The following CHN2 variants were observed in gnomAD, a reference collection of about 807,000 sequenced individuals.
The protein encoded by CHN2 is beta-chimaerin.
Under a neutral mutation model 56.3 loss-of-function variants are expected in CHN2, and 35 were observed. The observed-to-expected ratio is 0.62, with a 90% CI of 0.47 to 0.82. The LOEUF (loss-of-function observed/expected upper bound fraction) is 0.82. Among genes scored for constraint, CHN2 ranks in the 40% least tolerant of loss-of-function variants. CHN2 has a pLI of 0.00. For missense variants in CHN2, 491 were observed against 580.5 expected, an observed-to-expected ratio of 0.85 and a Z score of 1.58; for synonymous variants, 210 against 212.8, an observed-to-expected ratio of 0.99 and a Z score of 0.12.
intron 1 of CHN2, among the ~76,000 whole-genome samples, chr7:29,265,340 T>C (rs1790052789): frequency 6.6e-6 from 1 of 152,200 alleles, no homozygotes; most frequent in African/African-American, 2.4e-5. Flanking sequence ...TCTGATCTGT[T>C]GCCAAAGAAC....
intron 1 of CHN2, among the ~76,000 whole-genome samples, chr7:29,256,404 G>A (rs1178380368): frequency 2.0e-5 from 3 of 152,200 alleles, no homozygotes; most frequent in Admixed American, 6.5e-5. Context: ...GAAAAGGTTT[G>A]TATGTGAACA....
chr7:29,323,918 G>A (rs1338464125), intron 1 of CHN2, among the ~76,000 whole-genome samples: 1 of 151,968 alleles, frequency 6.6e-6, no homozygotes, highest in Non-Finnish European at 1.5e-5. Flanking sequence ...GCAGGAGAAT[G>A]GCGTGAACCC....
chr7:29,277,853 T>G (rs1029156818), intron 1 of CHN2, among the ~76,000 whole-genome samples: 1 of 152,112 alleles, frequency 6.6e-6, no homozygotes, highest in Non-Finnish European at 1.5e-5. Flanking sequence ...ATTTATTGAG[T>G]GTAGTTGTTT....
In CHN2 at chr7:29,512,854, T is replaced by G; in HGVS notation, c.*119T>G. The G allele has an allele frequency of 3.6e-6, 4 of 1,118,522 alleles. No individual in the cohort carries two copies. Among genetic ancestry groups the G allele is most frequent in the Non-Finnish European group, 5.1e-6 (4 of 791,054 alleles). 69.3% of individuals were successfully genotyped at this position (1,118,522 alleles called of 1,614,324 possible). Reference sequence around the variant, plus strand: ...AAGCAAGTGCTAGAATTTCCTGGACTGCAGAGGATCGCTGAGTGGGGTACT... The same window carrying G: ...AAGCAAGTGCTAGAATTTCCTGGACGGCAGAGGATCGCTGAGTGGGGTACT... On this transcript the variant is annotated 3_prime_UTR_variant, in exon 13 of 13. Coordinates refer to ENST00000222792, the MANE Select transcript of CHN2 (RefSeq NM_004067.4).
chr7:29,440,684 CAAAAAAAAAA>C (rs556692737), intron 6 of CHN2, among the ~76,000 whole-genome samples: 50 of 45,664 alleles, frequency 1.1e-3, no homozygotes, highest in Admixed American at 2.4e-3. Context: ...GACTCCGTCT[CAAAAAAAAAA>C]AAAAAAAAAA....
chr7:29,228,177 C>T (rs922347528), intron 1 of CHN2, among the ~76,000 whole-genome samples: 11 of 149,408 alleles, frequency 7.4e-5, no homozygotes, highest in East Asian at 3.9e-4. Flanking sequence ...CACACACACA[C>T]GTGTGTGTGT....
chr7:29,198,391 G>A (rs1022788902), intron 1 of CHN2, among the ~76,000 whole-genome samples: 6 of 152,168 alleles, frequency 3.9e-5, no homozygotes, highest in Admixed American at 3.3e-4. Context: ...TCGCCCAAAT[G>A]TGTCATTTAT....
intron 6 of CHN2, among the ~76,000 whole-genome samples, chr7:29,468,050 G>A (rs1169689384): frequency 6.6e-6 from 1 of 151,210 alleles, no homozygotes; most frequent in Non-Finnish European, 1.5e-5. Flanking sequence ...CGGGGAGTAG[G>A]AGCAGGTATA....
intron 6 of CHN2, among the ~76,000 whole-genome samples, chr7:29,454,011 T>A (rs1319621510): frequency 6.6e-6 from 1 of 152,118 alleles, no homozygotes; most frequent in Non-Finnish European, 1.5e-5. Context: ...GGGTGCCAAC[T>A]CTAGTGGTGG....
At chr7:29,322,539 A>G (rs549957120) in intron 1 of CHN2, among the ~76,000 whole-genome samples, 2 of 152,280 alleles carry the variant, frequency 1.3e-5, no homozygotes, top group East Asian at 1.9e-4. Flanking sequence ...ATAAAAAGCA[A>G]TAATTGGTGT....
At chr7:29,371,243 C>G (rs1187987126) in intron 3 of CHN2, among the ~76,000 whole-genome samples, 1 of 151,982 alleles carries the variant, frequency 6.6e-6, no homozygotes, top group Non-Finnish European at 1.5e-5. Flanking sequence ...AGCAAGATGC[C>G]CAGGTCCGGA....
chr7:29,442,439 A>G (rs1783714326), intron 6 of CHN2, among the ~76,000 whole-genome samples: 1 of 152,172 alleles, frequency 6.6e-6, no homozygotes, highest in African/African-American at 2.4e-5. Flanking sequence ...CAGGGCTTTT[A>G]TTTCGAAGGT....
At position 29,352,350 on chromosome 7, in the gene CHN2, C is replaced by CGTGTGTGTGT. The variant is rs60859228; in HGVS notation, c.50-2266_50-2257dup. Among the ~76,000 whole-genome samples the CGTGTGTGTGT allele has an allele frequency of 9.8e-3, 1,473 of 149,962 alleles. 28 individuals carry two copies. The highest frequency in any genetic ancestry group is 0.034 in the African/African-American group (1,362 of 40,272). On this transcript the variant is annotated intron_variant, in intron 1 of 12. Transcript: ENST00000222792. ...GGATTTGCATTTGTGTGCAGTCTGT[C>CGTGTGTGTGT]GTGTGTGTGTGTGTGTGTATGTGTG... is the stretch of plus-strand genomic sequence containing the variant.
chr7:29,370,143 G>A (rs1799492562), intron 3 of CHN2, among the ~76,000 whole-genome samples: 1 of 152,166 alleles, frequency 6.6e-6, no homozygotes, highest in African/African-American at 2.4e-5. Flanking sequence ...TCTCTAGTTG[G>A]TCCTCCAGTG....
intron 4 of CHN2, 55 bp downstream of exon 4, chr7:29,393,765 G>T: frequency 3.3e-6 from 2 of 615,288 alleles, no homozygotes; most frequent in Non-Finnish European, 4.9e-6. Context: ...CATTTCATGT[G>T]TCATTTAAAT....
chr7:29,182,270 A>G (rs188813695), intron 2 of CHN2, among the ~76,000 whole-genome samples: 1 of 152,350 alleles, frequency 6.6e-6, no homozygotes, highest in African/African-American at 2.4e-5. Flanking sequence ...GAAGGTTAGC[A>G]GTGGTGGAAT....
chr7:29,357,573 T>G (rs1798405882), intron 2 of CHN2, among the ~76,000 whole-genome samples: 1 of 152,224 alleles, frequency 6.6e-6, no homozygotes, highest in Non-Finnish European at 1.5e-5. Context: ...TGGCTTATAC[T>G]TCCCTCCAAT....
Position 29,257,357 on chromosome 7 carries a change from C to T in CHN2, c.49+62367C>T, listed in dbSNP as rs1188963053. On this transcript the variant is annotated intron_variant, in intron 1 of 12. Coordinates refer to ENST00000222792, the MANE Select transcript of CHN2 (RefSeq NM_004067.4). ...AATACAGCACATGTATTAAAAAAACCAAGCCCAGGGAGTATCTCACAGCAG... is the reference window on the plus strand; with the variant it reads ...AATACAGCACATGTATTAAAAAAACTAAGCCCAGGGAGTATCTCACAGCAG... Among the ~76,000 whole-genome samples the T allele has an allele frequency of 3.9e-5, 6 of 152,176 alleles. No individual in the cohort carries two copies. In the East Asian group the frequency reaches 1.2e-3, roughly 29 times the overall value.
intron 1 of CHN2, among the ~76,000 whole-genome samples, chr7:29,209,805 G>A (rs1471688163): frequency 1.3e-5 from 2 of 152,188 alleles, no homozygotes; most frequent in Non-Finnish European, 1.5e-5. Context: ...GTCAAGTCCA[G>A]TGGAATAAAT....
Sources: allele counts gnomAD v4.1 joint callset (sites outside exome capture counted in the v4.1 genomes callset), GRCh38; gene constraint gnomAD v4.1.1; transcripts MANE v1.5; gene names NCBI Gene and HGNC (gene_info 2026-07-23, HGNC 2026-07-21).